The following SND1 variants were observed in gnomAD, a reference collection of about 807,000 sequenced individuals.
The protein encoded by SND1 is staphylococcal nuclease domain-containing protein 1.
Under a neutral mutation model 121.7 loss-of-function variants are expected in SND1, and 38 were observed. The ratio of observed to expected loss-of-function variants is 0.31; its 90% CI spans 0.24 to 0.41. SND1 has a LOEUF of 0.41. SND1 is among the 10% of genes least tolerant of loss of function. The probability of loss-of-function intolerance (pLI) is 1.00; values close to 1 mark genes in which losing one functional copy is unlikely to be tolerated. For synonymous variants in SND1, 401 were observed against 447.4 expected, an observed-to-expected ratio of 0.90 and a Z score of 1.31; for missense variants, 868 against 1,184.6, an observed-to-expected ratio of 0.73 and a Z score of 3.92.
chr7:127,933,390 C>T (rs536122442), intron 15 of SND1, among the ~76,000 whole-genome samples: 3 of 152,318 alleles, frequency 2.0e-5, no homozygotes, highest in Admixed American at 1.3e-4. Context: ...AAGCCTTTTA[C>T]ATTTTTCTCC....
At chr7:127,825,749 T>C (rs1798632816) in intron 11 of SND1, among the ~76,000 whole-genome samples, 1 of 152,184 alleles carries the variant, frequency 6.6e-6, no homozygotes, top group Non-Finnish European at 1.5e-5. Flanking sequence ...CTCTTCTGTA[T>C]TTTTTTCTGA....
chr7:127,865,598 T>C (rs181643207), intron 12 of SND1, among the ~76,000 whole-genome samples: 261 of 152,156 alleles, frequency 1.7e-3, no homozygotes, highest in African/African-American at 6.0e-3. Flanking sequence ...ATTTTTTTTT[T>C]CTCCTTTGTG....
chr7:127,653,734 C>T (rs893309970), intron 1 of SND1, among the ~76,000 whole-genome samples: 6 of 152,190 alleles, frequency 3.9e-5, no homozygotes, highest in Non-Finnish European at 7.3e-5. Flanking sequence ...AAGATCCCCT[C>T]GCCCAATTCC....
chr7:127,796,987 G>A (rs1175754554), intron 10 of SND1, among the ~76,000 whole-genome samples: 1 of 151,002 alleles, frequency 6.6e-6, no homozygotes, highest in African/African-American at 2.4e-5. Context: ...CCACCTCCTG[G>A]GTTCAAGCGA....
intron 15 of SND1, among the ~76,000 whole-genome samples, chr7:127,980,724 A>G (rs1802239113): frequency 6.6e-6 from 1 of 152,200 alleles, no homozygotes; most frequent in Non-Finnish European, 1.5e-5. Context: ...CTTGGTCTAG[A>G]AAAAGTCACT....
intron 16 of SND1, among the ~76,000 whole-genome samples, chr7:128,049,727 G>A (rs77184689): frequency 2.0e-5 from 3 of 151,912 alleles, no homozygotes; most frequent in Non-Finnish European, 2.9e-5. Flanking sequence ...TAACCTTCAG[G>A]GTCCTCATCC....
Position 128,085,211 on chromosome 7 carries a change from TA to T in SND1, c.2234+367del, listed in dbSNP as rs936682717. ...GGTAGAGGCTGGGCTACAGTAAGCCTAAACCAGCTGCCCGACCCTCTTCCCC... is the reference window on the plus strand; with the variant it reads ...GGTAGAGGCTGGGCTACAGTAAGCCTAACCAGCTGCCCGACCCTCTTCCCC... On this transcript the variant is annotated intron_variant, in intron 19 of 23. Coordinates refer to ENST00000354725, the MANE Select transcript of SND1 (RefSeq NM_014390.4). This position sits in a 1 kb window ranked among gnomAD's most constrained non-coding sequence, Gnocchi z 4.4. Among the ~76,000 whole-genome samples, 2 of 152,034 alleles carry T rather than the reference TA, an allele frequency of 1.3e-5. No homozygotes were observed. The highest frequency in any genetic ancestry group is 4.8e-5 in the African/African-American group (2 of 41,398).
chr7:127,912,798 T>C (rs1262376178), intron 14 of SND1, among the ~76,000 whole-genome samples: 1 of 152,214 alleles, frequency 6.6e-6, no homozygotes, highest in East Asian at 1.9e-4. Flanking sequence ...TAAAGGATTA[T>C]AGAATTATAT....
chr7:128,036,725 C>G (rs1190787021), intron 16 of SND1, among the ~76,000 whole-genome samples: 1 of 152,208 alleles, frequency 6.6e-6, no homozygotes, highest in African/African-American at 2.4e-5. Flanking sequence ...AACCTCCCAG[C>G]TAGCACTCTG....
At chr7:127,901,819 G>C (rs534603537) in intron 13 of SND1, among the ~76,000 whole-genome samples, 4 of 152,152 alleles carry the variant, frequency 2.6e-5, no homozygotes, top group African/African-American at 9.7e-5. Flanking sequence ...TGAAAAAATT[G>C]TCTTTGAACG....
rs138204259 is a variant in SND1, at chr7:127,669,079, G to A, written c.78+16628G>A. ...TTAATCCTGGCTCACTGCAACCTCC[G>A]CCTTCCAGGTTCAAGCGATTCTTCT... On this transcript the variant is annotated intron_variant, in intron 1 of 23. Coordinates refer to ENST00000354725, the MANE Select transcript of SND1 (RefSeq NM_014390.4). Among the ~76,000 whole-genome samples, 144 of 152,102 alleles carry A rather than the reference G, an allele frequency of 9.5e-4. 1 individual carries two copies. The highest frequency in any genetic ancestry group is 3.4e-3 in the Middle Eastern group (1 of 294).
intron 16 of SND1, among the ~76,000 whole-genome samples, 199 bp downstream of exon 16, chr7:127,991,255 A>G (rs577531303): frequency 6.6e-6 from 1 of 152,216 alleles, no homozygotes; most frequent in South Asian, 2.1e-4. Context: ...GCTCCCCTCC[A>G]CTGGTGGCCT....
At chr7:128,021,966 G>T (rs545612898) in intron 16 of SND1, among the ~76,000 whole-genome samples, 136 of 152,294 alleles carry the variant, frequency 8.9e-4, no homozygotes, top group Middle Eastern at 3.4e-3. Flanking sequence ...CACTTTGTGA[G>T]CCCAAGGTGG....
chr7:127,905,883 A>G (rs977060559), intron 14 of SND1, among the ~76,000 whole-genome samples: 2 of 152,164 alleles, frequency 1.3e-5, no homozygotes, highest in Admixed American at 6.5e-5. Flanking sequence ...AGAAAATACT[A>G]GTATAAACAA....
chr7:127,926,823 C>T (rs1268713527), intron 14 of SND1, among the ~76,000 whole-genome samples: 1 of 151,602 alleles, frequency 6.6e-6, no homozygotes, highest in Non-Finnish European at 1.5e-5. Context: ...GATCTCCTGA[C>T]CTCGTGATTT....
At position 128,046,339 on chromosome 7, in the gene SND1, T is replaced by G. The variant is rs947352912; in HGVS notation, c.1780-28163T>G. On this transcript the variant is annotated intron_variant, in intron 16 of 23. Transcript: ENST00000354725. ...GGTTTTTTGGGGTTTTTTGTTTTTT[T>G]GGGTTTTTTTTTTGGTTGTTGTTGT... Among the ~76,000 whole-genome samples, 9 of 150,378 alleles carry G rather than the reference T, an allele frequency of 6.0e-5. No individual in the cohort carries two copies. In the South Asian group the frequency reaches 6.3e-4, roughly 11 times the overall value.
At chr7:127,858,256 G>A (rs562691417) in intron 12 of SND1, 25 of 775,612 alleles carry the variant, frequency 3.2e-5, no homozygotes, top group South Asian at 7.5e-5. Flanking sequence ...CCATCTGGTC[G>A]GCCAATTCGG....
rs562586278 is a variant in SND1, at chr7:128,086,006, G to A, written c.2304+226G>A. 7.2e-5 allele frequency among the ~76,000 whole-genome samples: 11 copies of A among 152,288 alleles called. No individual in the cohort carries two copies. In the South Asian group the frequency reaches 1.7e-3, roughly 23 times the overall value. On this transcript the variant is annotated intron_variant, in intron 20 of 23. Coordinates refer to ENST00000354725, the MANE Select transcript of SND1 (RefSeq NM_014390.4). ...GATAGGTCCCGCATCCAGACCCCAC[G>A]GATGAGTGTCCAGCCACACCCACAG...
At chr7:127,721,480 A>ATG in intron 10 of SND1, 80 bp downstream of exon 10, 1 of 719,144 alleles carries the variant, frequency 1.4e-6, no homozygotes, top group Non-Finnish European at 2.4e-6. Flanking sequence ...TATGACATAT[A>ATG]TAATACATAT....
Sources: gnomAD v4.1 joint callset for allele counts (sites outside exome capture counted in the v4.1 genomes callset) on GRCh38, gnomAD v4.1.1 for gene constraint, Gnocchi (gnomAD v3.1) non-coding constraint, MANE v1.5 for transcripts, NCBI Gene and HGNC (gene_info 2026-07-23, HGNC 2026-07-21) for gene names.